Variants in ASB2 observed in about 807,000 individuals in gnomAD.
ASB2 encodes ankyrin repeat and SOCS box containing 2, also known as ankyrin repeat and SOCS box protein 2.
In ASB2, 58 loss-of-function variants were observed where a neutral mutation model predicts 62.4. The ratio of observed to expected loss-of-function variants is 0.93; its 90% CI spans 0.75 to 1.16. ASB2 has a LOEUF of 1.16. Ranked by LOEUF, ASB2 falls within the 50% of genes most tolerant of loss-of-function variation. The pLI, the probability that ASB2 is intolerant of heterozygous loss-of-function variation, is 0.00. For synonymous variants in ASB2, 386 were observed against 385.3 expected (o/e 1.00, Z -0.02); for missense variants, 928 against 887.9 (o/e 1.05, Z -0.57).
intron 3 of ASB2, 66 bp downstream of exon 3, chr14:93,956,700 C>A: frequency 1.3e-6 from 2 of 1,599,224 alleles, no homozygotes; most frequent in Non-Finnish European, 1.7e-6. Context: ...TGCTTCCCAC[C>A]CTCCCTGCCA....
At chr14:93,943,189 T>C (rs1888594576) in intron 7 of ASB2, among the ~76,000 whole-genome samples, 1 of 152,226 alleles carries the variant, frequency 6.6e-6, no homozygotes, top group African/African-American at 2.4e-5. Flanking sequence ...ATGAGATCTT[T>C]CCCATGAATC....
intron 7 of ASB2, chr14:93,939,917 C>T (rs1567020004): frequency 2.3e-6 from 1 of 433,232 alleles, no homozygotes. Flanking sequence ...CTTCAGCCAC[C>T]CTCCCAAAGT....
At position 93,953,466 on chromosome 14, in the gene ASB2, T is replaced by C; in HGVS notation, c.520A>G (p.Thr174Ala). 1.2e-6 allele frequency: 2 copies of C among 1,608,120 alleles called. No homozygotes were observed. Among genetic ancestry groups the C allele is most frequent in the Non-Finnish European group, 8.5e-7 (1 of 1,175,288 alleles). The change falls in exon 5 of 10, where the codon ACA becomes GCA. Residue 174 changes from threonine (T) to alanine (A), a missense_variant. Physicochemically the swap from Thr to Ala is moderately conservative, Grantham distance 58. Coordinates refer to ENST00000555019, the MANE Select transcript of ASB2 (RefSeq NM_001202429.2). ...CTGCACGTTGCCAAGTAAACGGCTGTTTCCTCCTGCAGGGTGCGCTGGTCG... is the reference window on the plus strand; with the variant it reads ...CTGCACGTTGCCAAGTAAACGGCTGCTTCCTCCTGCAGGGTGCGCTGGTCG... ...TIDQRTLQEE[T>A]AVYLATCRGH...
chr14:93,966,204 A>G (rs1203326832), intron 1 of ASB2, among the ~76,000 whole-genome samples: 3 of 152,300 alleles, frequency 2.0e-5, no homozygotes, highest in East Asian at 1.9e-4. Context: ...AGTCCCCTCA[A>G]TGGCCATTTC....
rs1361079679 is a variant in ASB2 at position 93,939,097 on chromosome 14, G to T, written c.1617+11C>A. 1 of 1,454,572 alleles carries T rather than the reference G, an allele frequency of 6.9e-7. No individual in the cohort carries two copies. The highest frequency in any genetic ancestry group is 2.6e-5 in the East Asian group (1 of 39,174). 90.1% of individuals were successfully genotyped at this position (1,454,572 alleles called of 1,614,324 possible). Reference sequence around the variant, plus strand: ...AAGGCGTGCTCCCCACCGCCAGCGTGCGCTGCCCACCTGCACCACGCTGGG... The same window carrying T: ...AAGGCGTGCTCCCCACCGCCAGCGTTCGCTGCCCACCTGCACCACGCTGGG... On this transcript the variant is annotated intron_variant, in intron 8 of 9. Coordinates refer to ENST00000555019, the MANE Select transcript of ASB2 (RefSeq NM_001202429.2).
At chr14:93,939,873 C>T (rs1888453481) in intron 7 of ASB2, 2 of 461,904 alleles carry the variant, frequency 4.3e-6, no homozygotes, top group Admixed American at 4.4e-5. Flanking sequence ...CTGCCGTCTC[C>T]GCTTTACAGA....
rs771758276 is a variant in ASB2, at chr14:93,956,849, A to G, written c.228T>C (p.Ser76=). Residue 76 remains serine (S), a synonymous_variant, in exon 3 of 10, where the codon AGT becomes AGC. Transcript: ENST00000555019. ...AGCCCATTGGGGCCCGGGCCGGCGA[A>G]CTCTCAGGAGGTGCAGTGGACCTGG... ...PWTRSTAPPE[S]SPARAPMGLF... is the part of the protein sequence containing the mutation. The G allele has an allele frequency of 1.1e-5, 18 of 1,614,054 alleles. No homozygotes were observed. The East Asian group carries it at 3.8e-4, about 34-fold the overall frequency.
At chr14:93,950,959 C>A (rs1408704887) in intron 6 of ASB2, 40 bp downstream of exon 6, 1 of 1,590,074 alleles carries the variant, frequency 6.3e-7, no homozygotes, top group South Asian at 1.1e-5. Context: ...CCCGTGTGCC[C>A]TTTGGGGACT....
intron 7 of ASB2, 24 bp from the exon 8 acceptor site, chr14:93,939,696 G>A (rs1595301538): frequency 7.1e-7 from 1 of 1,413,622 alleles, no homozygotes; most frequent in Non-Finnish European, 9.2e-7. Flanking sequence ...GGGCGGGCGC[G>A]GGTGAGGGGA....
At chr14:93,947,239 C>T (rs1274972245) in intron 7 of ASB2, 110 bp downstream of exon 7, 54 of 1,218,964 alleles carry the variant, frequency 4.4e-5, no homozygotes, top group Non-Finnish European at 4.7e-6. Flanking sequence ...TCTCCTGGGC[C>T]TCCCTAATCC....
At chr14:93,957,346 C>T (rs1889262968) in intron 2 of ASB2, 4 of 1,032,856 alleles carry the variant, frequency 3.9e-6, no homozygotes, top group South Asian at 7.3e-5. Context: ...CAAGCTGTAC[C>T]TGTGCCCCCC....
chr14:93,975,054 C>T (rs749526616), intron 1 of ASB2, among the ~76,000 whole-genome samples: 12 of 152,250 alleles, frequency 7.9e-5, no homozygotes, highest in African/African-American at 1.2e-4. Flanking sequence ...TGTCAGGACC[C>T]GTCCAACTGT....
rs138214539 is a variant in ASB2, at chr14:93,947,495, G to A, written c.906C>T (p.Ser302=). The part of the protein sequence containing the change: ...KYGADINTQA[S]DNASALYEAC... ...CCTCGTAGAGGGCAGACGCGTTGTCGCTGGCCTGCGTGTTGATGTCAGCAC... is the reference window on the plus strand; with the variant it reads ...CCTCGTAGAGGGCAGACGCGTTGTCACTGGCCTGCGTGTTGATGTCAGCAC... Residue 302 remains serine, a synonymous_variant, in exon 7 of 10, where the codon AGC becomes AGT. Transcript: ENST00000555019. 2.3e-4 allele frequency: 374 copies of A among 1,613,938 alleles called. No individual in the cohort carries two copies. Among genetic ancestry groups the A allele is most frequent in the Non-Finnish European group, 2.8e-4 (332 of 1,180,032 alleles).
chr14:93,957,118 G>C (rs1889253322), intron 2 of ASB2: 22 of 1,378,868 alleles, frequency 1.6e-5, no homozygotes, highest in Non-Finnish European at 2.1e-5. Flanking sequence ...ACAACAATGA[G>C]GTTAACCTCA....
intron 7 of ASB2, chr14:93,943,943 G>C (rs1160306767): frequency 4.4e-6 from 2 of 456,068 alleles, no homozygotes; most frequent in African/African-American, 2.0e-5. Flanking sequence ...AGTGTTATAT[G>C]TTGGAACTAA....
At position 93,937,694 on chromosome 14, in the gene ASB2, C is replaced by G. The variant is rs1385661417; in HGVS notation, c.1771+4G>C. The G allele has an allele frequency of 3.1e-6, 5 of 1,605,312 alleles. No individual in the cohort carries two copies. Among genetic ancestry groups the G allele is most frequent in the Non-Finnish European group, 4.3e-6 (5 of 1,172,614 alleles). ...CAGCCTTGGCAGCAGCAGCAAGTCC[C>G]TACCTGCCTTCTCCTTGATGACGGC... On this transcript the variant is annotated splice_donor_region_variant and intron_variant, in intron 9 of 9. Transcript: ENST00000555019.
intron 7 of ASB2, among the ~76,000 whole-genome samples, chr14:93,944,595 G>A (rs368631393): frequency 9.9e-5 from 15 of 152,218 alleles, no homozygotes; most frequent in African/African-American, 3.4e-4. Context: ...TGATGAGCTC[G>A]GGGCTTGCTG....
chr14:93,970,920 C>T (rs1323489974), intron 1 of ASB2, among the ~76,000 whole-genome samples: 3 of 152,188 alleles, frequency 2.0e-5, no homozygotes, highest in Non-Finnish European at 4.4e-5. Flanking sequence ...GGCACACAGC[C>T]GGTGGCCCCT....
intron 8 of ASB2, 72 bp downstream of exon 8, chr14:93,939,036 C>T: frequency 1.5e-6 from 2 of 1,318,822 alleles, no homozygotes; most frequent in Non-Finnish European, 2.0e-6. Context: ...CCCCGCCCGC[C>T]TCCCATGCGC....
Sources: allele counts gnomAD v4.1 joint callset (sites outside exome capture counted in the v4.1 genomes callset), GRCh38; gene constraint gnomAD v4.1.1; transcripts MANE v1.5; gene names NCBI Gene and HGNC (gene_info 2026-07-23, HGNC 2026-07-21).